Variants in ZFHX3 observed in about 807,000 individuals in gnomAD.
ZFHX3 encodes the protein zinc finger homeobox protein 3.
In ZFHX3, 42 loss-of-function variants were observed where a neutral mutation model predicts 279.1. The observed-to-expected ratio is 0.15, with a 90% confidence interval of 0.12 to 0.19. ZFHX3 has a LOEUF of 0.19. Ranked by LOEUF, ZFHX3 falls within the 10% of genes least tolerant of loss-of-function variation. ZFHX3 has a pLI of 1.00. For missense variants in ZFHX3, 4,981 were observed against 4,754.0 expected (o/e 1.05, Z -1.40); for synonymous variants, 2,293 against 1,957.8 (o/e 1.17, Z -4.52).
chr16:73,586,486 A>C (rs2051928342), intron 2 of ZFHX3, among the ~76,000 whole-genome samples: 2 of 150,414 alleles, frequency 1.3e-5, no homozygotes, highest in Admixed American at 1.3e-4. Flanking sequence ...ACACTCTGGG[A>C]GGAAAAAACA....
At chr16:73,328,824 G>T (rs779715077) in intron 3 of ZFHX3, among the ~76,000 whole-genome samples, 66 of 152,184 alleles carry the variant, frequency 4.3e-4, no homozygotes, top group Non-Finnish European at 9.1e-4. Flanking sequence ...ACTAACAAGG[G>T]ATAGGTTGAA....
chr16:73,590,388 G>A (rs2051981943), intron 2 of ZFHX3, among the ~76,000 whole-genome samples: 2 of 152,182 alleles, frequency 1.3e-5, no homozygotes, highest in African/African-American at 4.8e-5. Context: ...AGATGAGCAT[G>A]GGACATGTTG....
chr16:73,201,510 A>G (rs902170548), intron 5 of ZFHX3, among the ~76,000 whole-genome samples: 2 of 152,244 alleles, frequency 1.3e-5, no homozygotes, highest in African/African-American at 4.8e-5. Flanking sequence ...TTATCTGTGA[A>G]CAATCTGCAT....
intron 5 of ZFHX3, among the ~76,000 whole-genome samples, chr16:73,251,044 A>G (rs558308056): frequency 1.3e-5 from 2 of 152,124 alleles, no homozygotes; most frequent in African/African-American, 4.8e-5. Context: ...AGAAGAATTT[A>G]TTTTCTTCTT....
chr16:73,271,412 C>T (rs1161278603), intron 4 of ZFHX3, among the ~76,000 whole-genome samples: 1 of 152,208 alleles, frequency 6.6e-6, no homozygotes, highest in East Asian at 1.9e-4. Flanking sequence ...TCCCGAGCCA[C>T]TGGTGAAAGC....
At chr16:73,358,368 G>A (rs957883185) in intron 3 of ZFHX3, among the ~76,000 whole-genome samples, 4 of 152,352 alleles carry the variant, frequency 2.6e-5, no homozygotes, top group African/African-American at 9.6e-5. Flanking sequence ...GCTCTGATGT[G>A]AGCTGCACTG....
At chr16:73,190,071 G>A (rs760867984) in intron 5 of ZFHX3, among the ~76,000 whole-genome samples, 6 of 152,136 alleles carry the variant, frequency 3.9e-5, no homozygotes, top group Non-Finnish European at 5.9e-5. Context: ...AGCCTCCCTA[G>A]GAAGAAGTCT....
upstream of ZFHX3, among the ~76,000 whole-genome samples, chr16:73,051,648 C>T (rs1965452321): frequency 6.6e-6 from 1 of 152,158 alleles, no homozygotes; most frequent in Admixed American, 6.5e-5. Flanking sequence ...AATGATATCC[C>T]ACAACAAAGA....
intron 1 of ZFHX3, among the ~76,000 whole-genome samples, chr16:73,716,995 T>C (rs1193319501): frequency 6.6e-6 from 1 of 152,078 alleles, no homozygotes. Flanking sequence ...TATGAAAGAA[T>C]GTTCACATCC....
chr16:73,622,296 C>T (rs1190395039), intron 2 of ZFHX3, among the ~76,000 whole-genome samples: 1 of 152,146 alleles, frequency 6.6e-6, no homozygotes, highest in East Asian at 1.9e-4. Flanking sequence ...CAGGGGCTCA[C>T]GCCTGTAATC....
intron 2 of ZFHX3, among the ~76,000 whole-genome samples, chr16:73,590,784 T>C (rs1393089396): frequency 6.6e-6 from 1 of 152,154 alleles, no homozygotes; most frequent in African/African-American, 2.4e-5. Flanking sequence ...CATTTCACAA[T>C]CACTAGTGAG....
At chr16:73,579,523 A>G (rs1173315922) in intron 2 of ZFHX3, among the ~76,000 whole-genome samples, 1 of 149,206 alleles carries the variant, frequency 6.7e-6, no homozygotes, top group African/African-American at 2.5e-5. Context: ...TTTTTTTGAG[A>G]CAGAGTCTCA....
intron 1 of ZFHX3, among the ~76,000 whole-genome samples, chr16:73,754,857 T>C (rs1475343115): frequency 6.6e-6 from 1 of 152,192 alleles, no homozygotes; most frequent in African/African-American, 2.4e-5. Context: ...AGCTCTGCAT[T>C]TCTGGGCAAA....
chr16:73,129,580 T>C (rs1268220276), intron 7 of ZFHX3, among the ~76,000 whole-genome samples: 3 of 151,988 alleles, frequency 2.0e-5, no homozygotes, highest in African/African-American at 7.2e-5. Context: ...TTTACTGATA[T>C]ATCAACGTAT....
At chr16:73,558,479 A>G (rs1328489316) in intron 2 of ZFHX3, 2 of 152,180 alleles carry the variant, frequency 1.3e-5, no homozygotes, top group Non-Finnish European at 2.9e-5. Flanking sequence ...GTCTGTTTCT[A>G]CCACCACGCC....
intron 8 of ZFHX3, chr16:73,092,597 C>A (rs1405555723): frequency 4.2e-6 from 1 of 238,200 alleles, no homozygotes; most frequent in East Asian, 1.1e-4. Context: ...TGTTCCAGTA[C>A]GTTCCATCAA....
chr16:73,223,685 G>A (rs1185685655), intron 5 of ZFHX3, among the ~76,000 whole-genome samples: 2 of 152,252 alleles, frequency 1.3e-5, no homozygotes, highest in African/African-American at 2.4e-5. Context: ...ACATGATCCA[G>A]AAACTATTCT....
intron 1 of ZFHX3, among the ~76,000 whole-genome samples, chr16:72,960,612 C>G (rs978422828): frequency 6.6e-6 from 1 of 152,196 alleles, no homozygotes; most frequent in Non-Finnish European, 1.5e-5. Context: ...CACACGAAGT[C>G]AGCCCCGACT....
At position 73,127,578 on chromosome 16, in the gene ZFHX3, G is replaced by A. The variant is rs559053433; in HGVS notation, c.-897+3390C>T. The A allele has an allele frequency of 1.2e-4, 155 of 1,304,726 alleles. No homozygotes were observed. The Middle Eastern group carries it at 2.3e-3, about 20-fold the overall frequency. The allele number at this position is 1,304,726 out of a possible 1,614,324, so 80.8% of individuals were successfully genotyped here. A position where few individuals can be genotyped will look rare whatever the true frequency, so the allele number is the denominator to read the frequency against. On this transcript the variant is annotated intron_variant, in intron 7 of 17. Coordinates refer to the ZFHX3 transcript ENST00000641206. The stretch of plus-strand genomic sequence containing the variant: ...AGCCGAGCTGACTGGGGCACTTGAG[G>A]ACAGCCACTGACCACGGAGCACTGC...
Sources: gnomAD v4.1 joint callset for allele counts (sites outside exome capture counted in the v4.1 genomes callset) on GRCh38, gnomAD v4.1.1 for gene constraint, MANE v1.5 for transcripts, NCBI Gene and HGNC (gene_info 2026-07-23, HGNC 2026-07-21) for gene names.